The following ZNF219 variants were observed in gnomAD, a reference collection of about 807,000 sequenced individuals.
The protein encoded by ZNF219 is zinc finger protein 219.
In ZNF219, 17 loss-of-function variants were observed where a neutral mutation model predicts 54.4. The ratio of observed to expected loss-of-function variants is 0.31; its 90% confidence interval spans 0.21 to 0.47. ZNF219 has a LOEUF of 0.47. ZNF219 is among the 20% of genes least tolerant of loss of function. The pLI is 1.00. For missense variants in ZNF219, 1,014 were observed against 1,062.3 expected (o/e 0.95, Z 0.63); for synonymous variants, 518 against 476.4 (o/e 1.09, Z -1.14).
chr14:21,091,571 G>T, intron 3 of ZNF219, 29 bp from the exon 4 acceptor site: 1 of 1,579,996 alleles, frequency 6.3e-7, no homozygotes, highest in South Asian at 1.1e-5. Flanking sequence ...GAGGAAGTCA[G>T]GGGGGCCCAC....
At chr14:21,101,699 A>G (rs987241857), upstream of ZNF219, 1 of 672,568 alleles carries the variant, frequency 1.5e-6, no homozygotes, top group Non-Finnish European at 2.5e-6. Context: ...GAGGCAGAAA[A>G]AATTAAATGA....
At position 21,091,724 on chromosome 14, in the gene ZNF219, AG is replaced by A. The variant is rs1448666730; in HGVS notation, c.1432+140del. ...GTTCTCAAATGATGGCAAAGCCTCC[AG>A]GAAAACAAAACAAAACAAAACAAAA... On this transcript the variant is annotated intron_variant, in intron 3 of 4. Transcript: ENST00000360947. The A allele has an allele frequency of 2.1e-6, 3 of 1,444,978 alleles. No individual in the cohort carries two copies. The African/African-American group carries it at 4.3e-5, about 21-fold the overall frequency. The allele number at this position is 1,444,978 out of a possible 1,614,324, so 89.5% of individuals were successfully genotyped here.
intron 3 of ZNF219, 33 bp downstream of exon 3, chr14:21,091,832 G>A (rs767125676): frequency 7.4e-6 from 11 of 1,490,852 alleles, no homozygotes; most frequent in East Asian, 2.4e-5. Flanking sequence ...AGGAGGACGC[G>A]GCGTACCCGG....
At chr14:21,102,862 GA>G, upstream of ZNF219, 1 of 1,495,088 alleles carries the variant, frequency 6.7e-7, no homozygotes, top group Non-Finnish European at 8.9e-7. Context: ...GCACTTAAGG[GA>G]AAATAATGGG....
In ZNF219 at chr14:21,092,566, G is replaced by T; in HGVS notation, c.731C>A (p.Pro244His). 6.5e-7 allele frequency: 1 copy of T among 1,547,864 alleles called. No individual in the cohort carries two copies. Among genetic ancestry groups the T allele is most frequent in the Non-Finnish European group, 8.7e-7 (1 of 1,146,502 alleles). The change falls in exon 3 of 5, where the codon CCC (proline) becomes CAC (histidine). Residue 244 changes from proline to histidine, a missense_variant. By Grantham distance (77) the Pro-to-His change is moderately conservative (BLOSUM62 -2). Transcript: ENST00000360947. ...PPPQPEPRSV[P>H]QPEPEPEPER... ...GGGCTCCGGCTCCGGCTCCGGCTGG[G>T]GGACTGATCTGGGTTCGGGCTGGGG...
At chr14:21,101,317 C>G, upstream of ZNF219, 1 of 1,548,074 alleles carries the variant, frequency 6.5e-7, no homozygotes, top group Non-Finnish European at 8.7e-7. Context: ...GCCTAGGAAG[C>G]ACCTAATTCT....
At chr14:21,097,765 G>A (rs1048164184) in intron 1 of ZNF219, among the ~76,000 whole-genome samples, 2 of 152,116 alleles carry the variant, frequency 1.3e-5, no homozygotes, top group Non-Finnish European at 2.9e-5. Context: ...GCCGCGGGCC[G>A]AGCTCTTTGT....
At position 21,098,454 on chromosome 14, in the gene ZNF219, GC is replaced by G; in HGVS notation, c.-227del. 3.7e-6 allele frequency: 3 copies of G among 807,664 alleles called. No homozygotes were observed. Among genetic ancestry groups the G allele is most frequent in the Non-Finnish European group, 4.5e-6 (3 of 670,608 alleles). The allele number at this position is 807,664 out of a possible 1,614,324, so 50.0% of individuals were successfully genotyped here. A position where few individuals can be genotyped will look rare whatever the true frequency, so the allele number is the denominator to read the frequency against. ...CCCCCCCGCCCCCGGCCCGGCCCCC[GC>G]CCCCTCCCCGGTCCCCCGCCCCCGG... is the stretch of plus-strand genomic sequence containing the variant. On this transcript the variant is annotated 5_prime_UTR_variant, in exon 1 of 5. The change abolishes the stop of an existing upstream ORF in the 5' untranslated region. Coordinates refer to ENST00000360947, the MANE Select transcript of ZNF219 (RefSeq NM_016423.3).
chr14:21,091,007 A>G lies in ZNF219; in HGVS notation c.1698T>C (p.Pro566=). The stretch of plus-strand genomic sequence containing the variant: ...GCGGGGCCGAACCCCGCTGGGAAGG[A>G]GGCGGTGGCTCCGGGGGTGGCCCGG... ...AGPGPPPEPP[P]PSQRGSAPQS... The change falls in exon 5 of 5, where the codon CCT becomes CCC. Residue 566 remains proline, a synonymous_variant. Transcript: ENST00000360947. 1 of 1,552,594 alleles carries G rather than the reference A, an allele frequency of 6.4e-7. No individual in the cohort carries two copies. Among genetic ancestry groups the G allele is most frequent in the African/African-American group, 1.4e-5 (1 of 73,442 alleles).
chr14:21,092,001 C>T lies in ZNF219; in HGVS notation c.1296G>A (p.Val432=), dbSNP rs1888930549. The T allele has an allele frequency of 1.9e-6, 3 of 1,558,248 alleles. No individual in the cohort carries two copies. The South Asian group carries it at 3.5e-5, about 18-fold the overall frequency. The change falls in exon 3 of 5, where the codon GTG becomes GTA. Residue 432 remains valine (V), a synonymous_variant. Transcript: ENST00000360947. ...CCCAGGTTTCCTCCTCGGCCTCCAC[C>T]ACCTCCTCTTCTTCCTCAGGCTCCT... The part of the protein sequence containing the change: ...RAEEPEEEEE[V]VEAEEETWAR...
upstream of ZNF219, chr14:21,102,644 G>C: frequency 6.4e-7 from 1 of 1,551,480 alleles, no homozygotes; most frequent in South Asian, 1.2e-5. Flanking sequence ...ATGCTGGCTT[G>C]CTGGTGCTGG....
rs201385630 is a variant in ZNF219 at position 21,090,674 on chromosome 14, C to A, written c.2031G>T (p.Arg677=). The A allele has an allele frequency of 9.3e-6, 15 of 1,612,070 alleles. No individual in the cohort carries two copies. In the South Asian group the frequency reaches 1.3e-4, roughly 14 times the overall value. ...VHHSRRARGR[R]PPQADASPPY... ...GCGGGGACGCGTCAGCCTGGGGTGG[C>A]CGGCGGCCCCTAGCCCGGCGGCTGT... Residue 677 remains arginine (R), a synonymous_variant, in exon 5 of 5, where the codon CGG becomes CGT. Transcript: ENST00000360947. This position sits in a 1 kb window ranked among gnomAD's most constrained non-coding sequence, Gnocchi z 4.4.
chr14:21,096,660 T>C (rs746502389), intron 1 of ZNF219, among the ~76,000 whole-genome samples: 1 of 152,216 alleles, frequency 6.6e-6, no homozygotes, highest in Non-Finnish European at 1.5e-5. Flanking sequence ...TCTATAAGGA[T>C]GCGGGGCCAG....
chr14:21,103,954 C>G (rs1889810383), upstream of ZNF219: 1 of 152,390 alleles, frequency 6.6e-6, no homozygotes, highest in Admixed American at 6.5e-5. Flanking sequence ...CTTGGCAGAG[C>G]TGGGGCTTCC....
At chr14:21,102,473 G>A (rs1254935849), upstream of ZNF219, 3 of 1,551,594 alleles carry the variant, frequency 1.9e-6, no homozygotes, top group Non-Finnish European at 2.6e-6. Context: ...TGGTCGAGGT[G>A]ATGAAGACAG....
At chr14:21,094,275 G>C (rs1169811659) in intron 1 of ZNF219, 4 of 433,002 alleles carry the variant, frequency 9.2e-6, no homozygotes, top group Non-Finnish European at 1.9e-5. Context: ...AGACAGAGGG[G>C]GAGGGGCATG....
rs199994438 is a variant in ZNF219 at position 21,092,861 on chromosome 14, T to A, written c.436A>T (p.Thr146Ser). The change falls in exon 3 of 5, where the codon ACC becomes TCC. Residue 146 changes from threonine to serine, a missense_variant. Thr to Ser is a moderately conservative substitution (Grantham distance 58). Coordinates refer to ENST00000360947, the MANE Select transcript of ZNF219 (RefSeq NM_016423.3). ...RARSSGGMQA[T>S]PATEGLARPQ... ...CGCGCCAGACCCTCAGTGGCAGGGG[T>A]GGCCTGCATGCCCCCTGAGCTTCGG... 1 of 1,546,964 alleles carries A rather than the reference T, an allele frequency of 6.5e-7. No individual in the cohort carries two copies. The highest frequency in any genetic ancestry group is 8.7e-7 in the Non-Finnish European group (1 of 1,148,234).
upstream of ZNF219, chr14:21,103,896 A>C (rs1314512617): frequency 6.6e-6 from 1 of 152,390 alleles, no homozygotes; most frequent in Non-Finnish European, 1.5e-5. Flanking sequence ...CTGGGTCCCC[A>C]GCCCTGCGCT....
intron 1 of ZNF219, 187 bp from the exon 2 acceptor site, chr14:21,093,861 C>G: frequency 3.4e-6 from 2 of 583,010 alleles, no homozygotes; most frequent in Non-Finnish European, 6.1e-6. Context: ...AGCCTACAAG[C>G]CTCCCAGATA....
Sources: allele counts gnomAD v4.1 joint callset (sites outside exome capture counted in the v4.1 genomes callset), GRCh38; gene constraint gnomAD v4.1.1; non-coding constraint Gnocchi (gnomAD v3.1); transcripts MANE v1.5; gene names NCBI Gene and HGNC (gene_info 2026-07-23, HGNC 2026-07-21).